FBXL3: variants seen among roughly 807,000 people sequenced by gnomAD.
The protein encoded by FBXL3 is F-box and leucine rich repeat protein 3.
In FBXL3, 14 loss-of-function variants were observed where a neutral mutation model predicts 37.9. That is an observed-to-expected ratio of 0.37 (90% confidence interval 0.24 to 0.58). The LOEUF is 0.58. FBXL3 is among the 20% of genes least tolerant of loss of function. The probability of loss-of-function intolerance (pLI) is 0.74; values close to 1 mark genes in which losing one functional copy is unlikely to be tolerated. For missense variants in FBXL3, 327 were observed against 511.1 expected (o/e 0.64, Z 3.47); for synonymous variants, 194 against 180.1 (o/e 1.08, Z -0.62).
chr13:77,015,041 G>C (rs921455211), intron 4 of FBXL3: 2 of 154,742 alleles, frequency 1.3e-5, no homozygotes, highest in African/African-American at 4.8e-5. Flanking sequence ...GAGAAGAAAA[G>C]CAATTATGTG....
At chr13:77,023,700 C>T (rs1274232733) in intron 1 of FBXL3, among the ~76,000 whole-genome samples, 1 of 152,168 alleles carries the variant, frequency 6.6e-6, no homozygotes, top group Non-Finnish European at 1.5e-5. Context: ...CTTGGGGTCA[C>T]AATCTTTCAG....
chr13:77,012,965 G>A (rs1343238077), intron 4 of FBXL3: 1 of 152,214 alleles, frequency 6.6e-6, no homozygotes, highest in Non-Finnish European at 1.5e-5. Flanking sequence ...AGTAGAGACG[G>A]GCTTTCACCA....
Position 77,007,295 on chromosome 13 carries a change from A to G in FBXL3, c.1137T>C (p.Phe379=). 1.2e-6 allele frequency: 2 copies of G among 1,614,134 alleles called. No homozygotes were observed. The highest frequency in any genetic ancestry group is 2.2e-5 in the South Asian group (2 of 91,086). ...ATAGGCGGCCACCACACATCTTCAC[A>G]AACTCAACAAAGGCACTACATGAGA... ...CEVSCSAFVE[F]VKMCGGRLSQ... The change falls in exon 5 of 5, where the codon TTT becomes TTC. Residue 379 remains phenylalanine, a synonymous_variant. Coordinates refer to ENST00000355619, the MANE Select transcript of FBXL3 (RefSeq NM_012158.4).
chr13:77,009,863 T>C (rs1024127358), intron 4 of FBXL3: 3 of 152,134 alleles, frequency 2.0e-5, no homozygotes, highest in African/African-American at 7.2e-5. Context: ...CAAATGCCCA[T>C]CAATGATAGA....
intron 1 of FBXL3, among the ~76,000 whole-genome samples, chr13:77,024,829 CTA>C (rs1468784376): frequency 8.5e-5 from 13 of 152,142 alleles, no homozygotes; most frequent in African/African-American, 2.6e-4. Flanking sequence ...CGTAATATGT[CTA>C]TGTTACAATT....
intron 1 of FBXL3, among the ~76,000 whole-genome samples, chr13:77,023,387 C>G (rs144186606): frequency 3.0e-4 from 45 of 151,482 alleles, no homozygotes; most frequent in African/African-American, 1.1e-3. Context: ...AGAGACAGGG[C>G]AAGTGAGCTT....
rs1289998918 is a variant in FBXL3 at position 77,026,934 on chromosome 13, G to C, written c.-109C>G. On this transcript the variant is annotated 5_prime_UTR_variant, in exon 1 of 5. Coordinates refer to ENST00000355619, the MANE Select transcript of FBXL3 (RefSeq NM_012158.4). ...AGGCGCCCCTGGCCCCCCGCTTCGCGCTCCCGCAGCCGCGGCCCCCCGCGC... is the reference window on the plus strand; with the variant it reads ...AGGCGCCCCTGGCCCCCCGCTTCGCCCTCCCGCAGCCGCGGCCCCCCGCGC... 6.6e-6 allele frequency: 1 copy of C among 151,426 alleles called. No individual in the cohort carries two copies. Among genetic ancestry groups the C allele is most frequent in the Non-Finnish European group, 1.5e-5 (1 of 67,864 alleles). 9.4% of individuals were successfully genotyped at this position (151,426 alleles called of 1,614,324 possible).
In FBXL3 at chr13:77,007,030, G is replaced by GT; in HGVS notation, c.*114_*115insA. On this transcript the variant is annotated 3_prime_UTR_variant, in exon 5 of 5. Coordinates refer to ENST00000355619, the MANE Select transcript of FBXL3 (RefSeq NM_012158.4). ...TAAACAATCTTTACATATACTGACTGAAGATATCAAATTTCTGTGCCACAA... is the reference window on the plus strand; with the variant it reads ...TAAACAATCTTTACATATACTGACTGTAAGATATCAAATTTCTGTGCCACAA... The GT allele has an allele frequency of 6.9e-7, 1 of 1,452,208 alleles. No individual in the cohort carries two copies. The highest frequency in any genetic ancestry group is 9.0e-7 in the Non-Finnish European group (1 of 1,109,554). 90.0% of individuals were successfully genotyped at this position (1,452,208 alleles called of 1,614,324 possible). A position where few individuals can be genotyped will look rare whatever the true frequency, so the allele number is the denominator to read the frequency against.
chr13:77,011,722 C>CAAAA (rs60267585), intron 4 of FBXL3, among the ~76,000 whole-genome samples: 8 of 93,284 alleles, frequency 8.6e-5, no homozygotes, highest in Non-Finnish European at 1.2e-4. Context: ...GACCCTGTCT[C>CAAAA]AAAAAAAAAA....
intron 1 of FBXL3, among the ~76,000 whole-genome samples, chr13:77,024,733 A>G (rs764538839): frequency 6.6e-6 from 1 of 152,210 alleles, no homozygotes; most frequent in Non-Finnish European, 1.5e-5. Context: ...CTTGATCTAG[A>G]TATAAAAACA....
intron 2 of FBXL3, among the ~76,000 whole-genome samples, chr13:77,020,605 G>GTTT (rs1555276400): frequency 0.07 from 10,395 of 149,376 alleles, 523 homozygotes; most frequent in East Asian, 0.14. Context: ...TTCATGCATT[G>GTTT]TTTTTTTTTT....
rs199568005 is a variant in FBXL3, at chr13:77,023,345, A to AGAGAGAGAGTGTGTGTGTGT, written c.-1-1485_-1-1484insACACACACACACTCTCTCTC. Among the ~76,000 whole-genome samples, 63 of 147,600 alleles carry AGAGAGAGAGTGTGTGTGTGT rather than the reference A, an allele frequency of 4.3e-4. No homozygotes were observed. The East Asian group carries it at 5.2e-3, about 12-fold the overall frequency. On this transcript the variant is annotated intron_variant, in intron 1 of 4. Transcript: ENST00000355619. ...TTTGCTTTAAAATGGAGAGAGAGAG[A>AGAGAGAGAGTGTGTGTGTGT]GTGTGTGTGTGTGTGTGTGTGTGTG...
intron 1 of FBXL3, among the ~76,000 whole-genome samples, chr13:77,024,567 G>C (rs1213975416): frequency 6.6e-6 from 1 of 152,108 alleles, no homozygotes; most frequent in African/African-American, 2.4e-5. Context: ...AATAGTCTTT[G>C]CTAATAAATA....
In FBXL3 at chr13:77,026,975, G is replaced by C. The variant is rs924510134; in HGVS notation, c.-150C>G. ...CCCCCCGCGCTCCGCCCGCATCCGA[G>C]GCGCTGGTCCCGCGGAGGGCGCCAA... On this transcript the variant is annotated 5_prime_UTR_variant, in exon 1 of 5. Coordinates refer to ENST00000355619, the MANE Select transcript of FBXL3 (RefSeq NM_012158.4). 5.9e-5 allele frequency: 9 copies of C among 151,914 alleles called. No homozygotes were observed. The highest frequency in any genetic ancestry group is 3.4e-3 in the Middle Eastern group (1 of 292). The allele number at this position is 151,914 out of a possible 1,614,324, so 9.4% of individuals were successfully genotyped here.
chr13:77,022,664 T>C (rs1277232561), intron 1 of FBXL3, among the ~76,000 whole-genome samples: 1 of 152,218 alleles, frequency 6.6e-6, no homozygotes, highest in African/African-American at 2.4e-5. Flanking sequence ...AATTGTTTGG[T>C]CTGGAATGTA....
rs1038932372 is a variant in FBXL3 at position 77,024,980 on chromosome 13, T to G, written c.-2+1847A>C. ...TAAATGTCAATTTTTCCAAGTTGATTTCATTTATGTATGAAAAAATTTACA... is the reference window on the plus strand; with the variant it reads ...TAAATGTCAATTTTTCCAAGTTGATGTCATTTATGTATGAAAAAATTTACA... On this transcript the variant is annotated intron_variant, in intron 1 of 4. Transcript: ENST00000355619. 7.2e-5 allele frequency among the ~76,000 whole-genome samples: 11 copies of G among 152,362 alleles called. No individual in the cohort carries two copies. The South Asian group carries it at 1.7e-3, about 23-fold the overall frequency.
In FBXL3 at chr13:77,027,093, G is replaced by C. The variant is rs898725354; in HGVS notation, c.-268C>G. On this transcript the variant is annotated 5_prime_UTR_variant, in exon 1 of 5. Coordinates refer to ENST00000355619, the MANE Select transcript of FBXL3 (RefSeq NM_012158.4). ...TGTTCAGGGATCCCCGGCGCCGCGAGAGACTACCTCAGCGAGCGGCTGCCA... is the reference window on the plus strand; with the variant it reads ...TGTTCAGGGATCCCCGGCGCCGCGACAGACTACCTCAGCGAGCGGCTGCCA... 6.6e-6 allele frequency: 1 copy of C among 152,020 alleles called. No individual in the cohort carries two copies. Among genetic ancestry groups the C allele is most frequent in the African/African-American group, 2.4e-5 (1 of 41,412 alleles). The allele number at this position is 152,020 out of a possible 1,614,324, so 9.4% of individuals were successfully genotyped here.
At chr13:77,016,944 TCTC>T (rs536059748) in intron 3 of FBXL3, 11 of 152,352 alleles carry the variant, frequency 7.2e-5, no homozygotes, top group South Asian at 6.2e-4. Flanking sequence ...TTAATATTTT[TCTC>T]CTAATATTTT....
At position 77,015,426 on chromosome 13, in the gene FBXL3, G is replaced by A; in HGVS notation, c.626C>T (p.Pro209Leu). The change falls in exon 4 of 5, where the codon CCT becomes CTT. Residue 209 changes from proline (P) to leucine (L), a missense_variant. Physicochemically the swap from Pro to Leu is moderately conservative, Grantham distance 98. Transcript: ENST00000355619. ...TLKLLKMSSCPHVSPAGILCV... is the reference protein window; with the variant it reads ...TLKLLKMSSCLHVSPAGILCV... ...CAACATACCTGCTGGAGAGACATGA[G>A]GACAGCTGCTCATTTTCAACAGCTT... 3 of 1,585,572 alleles carry A rather than the reference G, an allele frequency of 1.9e-6. No individual in the cohort carries two copies. Among genetic ancestry groups the A allele is most frequent in the South Asian group, 2.3e-5 (2 of 85,314 alleles).
Sources: gnomAD v4.1 joint callset for allele counts (sites outside exome capture counted in the v4.1 genomes callset) on GRCh38, gnomAD v4.1.1 for gene constraint, MANE v1.5 for transcripts, NCBI Gene and HGNC (gene_info 2026-07-23, HGNC 2026-07-21) for gene names.